CCDC88A: variants seen among roughly 807,000 people sequenced by gnomAD.
The protein encoded by CCDC88A is girdin.
CCDC88A carries 54 observed loss-of-function variants against 234.3 expected under a neutral mutation model. The ratio of observed to expected loss-of-function variants is 0.23; its 90% confidence interval spans 0.19 to 0.29. The LOEUF is 0.29. Among genes scored for constraint, CCDC88A ranks in the 10% least tolerant of loss-of-function variants. The pLI, the probability that CCDC88A is intolerant of heterozygous loss-of-function variation, is 1.00. For synonymous variants in CCDC88A, 753 were observed against 737.8 expected (o/e 1.02, Z -0.33); for missense variants, 1,832 against 2,123.4 (o/e 0.86, Z 2.70).
chr2:55,412,706 A>G (rs928457703), intron 2 of CCDC88A, among the ~76,000 whole-genome samples: 41 of 152,316 alleles, frequency 2.7e-4, no homozygotes, highest in African/African-American at 9.1e-4. Flanking sequence ...GGTCTTGAAG[A>G]AAATAATTCT....
Position 55,368,635 on chromosome 2 carries a change from C to T in CCDC88A, c.402+3817G>A, listed in dbSNP as rs572033679. Among the ~76,000 whole-genome samples the T allele has an allele frequency of 1.9e-4, 29 of 152,126 alleles. No homozygotes were observed. The East Asian group carries it at 5.4e-3, about 28-fold the overall frequency. ...CACTGCACCCAGCCCTATTTCTTTT[C>T]ATGAATATAGTATCTCTTGAAACCT... is the stretch of plus-strand genomic sequence containing the variant. On this transcript the variant is annotated intron_variant, in intron 5 of 32. Coordinates refer to ENST00000436346, the MANE Select transcript of CCDC88A (RefSeq NM_001365480.1).
At chr2:55,339,087 T>G (rs1668150062) in intron 13 of CCDC88A, 1 of 159,070 alleles carries the variant, frequency 6.3e-6, no homozygotes, top group Non-Finnish European at 1.4e-5. Flanking sequence ...TCCTCCCGAG[T>G]AGCTGGGATC....
chr2:55,338,660 G>A (rs1301335579), intron 13 of CCDC88A, among the ~76,000 whole-genome samples: 1 of 152,182 alleles, frequency 6.6e-6, no homozygotes, highest in Non-Finnish European at 1.5e-5. Flanking sequence ...GACAGAAAAT[G>A]TTCAAGATGA....
intron 5 of CCDC88A, among the ~76,000 whole-genome samples, chr2:55,369,008 G>A (rs1048206872): frequency 2.6e-5 from 4 of 152,124 alleles, no homozygotes; most frequent in African/African-American, 9.7e-5. Flanking sequence ...ATTATTAGTA[G>A]TAGTGGCTCC....
chr2:55,342,203 TAAA>T (rs1006908942), intron 12 of CCDC88A, among the ~76,000 whole-genome samples: 2 of 152,218 alleles, frequency 1.3e-5, no homozygotes, highest in African/African-American at 2.4e-5. Flanking sequence ...AAAAGTGACT[TAAA>T]AAATTTTTAG....
chr2:55,372,940 T>C (rs1032947947), intron 4 of CCDC88A, among the ~76,000 whole-genome samples: 1 of 152,232 alleles, frequency 6.6e-6, no homozygotes, highest in Non-Finnish European at 1.5e-5. Context: ...ACAGATCTTA[T>C]GATTCATCTC....
At position 55,343,706 on chromosome 2, in the gene CCDC88A, T is replaced by A; in HGVS notation, c.1275A>T (p.Glu425Asp). The stretch of plus-strand genomic sequence containing the variant: ...CCAGTTCCCAGCCAAGATGTAATGA[T>A]TCATCCATACTTTGTTTCTGTGCCA... The part of the protein sequence containing the change: ...LEMAQKQSMD[E>D]SLHLGWELEQ... The change falls in exon 12 of 33, where the codon GAA (glutamate) becomes GAT (aspartate). Residue 425 changes from glutamate (E) to aspartate (D), a missense_variant. By Grantham distance (45) the Glu-to-Asp change is conservative. This residue lies in a region of CCDC88A where 1,282 missense variants were observed against 1,543.6 expected (regional missense o/e 0.83). Coordinates refer to ENST00000436346, the MANE Select transcript of CCDC88A (RefSeq NM_001365480.1). 1.2e-6 allele frequency: 2 copies of A among 1,612,226 alleles called. No homozygotes were observed. The highest frequency in any genetic ancestry group is 1.7e-6 in the Non-Finnish European group (2 of 1,178,840).
intron 31 of CCDC88A, chr2:55,294,312 A>G: frequency 2.0e-6 from 2 of 983,480 alleles, no homozygotes; most frequent in South Asian, 9.4e-5. Context: ...CAGATGATGA[A>G]AAGTGCAGAG....
intron 13 of CCDC88A, 29 bp from the exon 14 acceptor site, chr2:55,336,847 C>T (rs373110999): frequency 6.4e-5 from 86 of 1,353,914 alleles, no homozygotes; most frequent in Non-Finnish European, 8.0e-5. Flanking sequence ...CAAAACAATA[C>T]GTTAAATATT....
At chr2:55,413,536 A>T (rs552876375) in intron 2 of CCDC88A, among the ~76,000 whole-genome samples, 1 of 152,342 alleles carries the variant, frequency 6.6e-6, no homozygotes, top group Admixed American at 6.5e-5. Flanking sequence ...AATTCATTCC[A>T]CTTTACTACA....
At chr2:55,418,990 A>C (rs1324286624) in intron 1 of CCDC88A, 27 bp downstream of exon 1, 12 of 1,604,928 alleles carry the variant, frequency 7.5e-6, no homozygotes, top group Non-Finnish European at 1.0e-5. Flanking sequence ...ACTCAGCAAA[A>C]TATACAATAA....
rs1012638438 is a variant in CCDC88A, at chr2:55,419,147, G to C, written c.-68C>G. 5 of 908,608 alleles carry C rather than the reference G, an allele frequency of 5.5e-6. No homozygotes were observed. The highest frequency in any genetic ancestry group is 2.0e-5 in the Admixed American group (1 of 49,442). 56.3% of individuals were successfully genotyped at this position (908,608 alleles called of 1,614,324 possible). ...ACGCCTAGGGAATTGGTCACTAAAC[G>C]TGGAAGTAAGTAGAAATCAATGAAA... On this transcript the variant is annotated 5_prime_UTR_variant, in exon 1 of 33. Coordinates refer to ENST00000436346, the MANE Select transcript of CCDC88A (RefSeq NM_001365480.1).
At chr2:55,311,148 C>G (rs1682301874) in intron 23 of CCDC88A, among the ~76,000 whole-genome samples, 1 of 152,126 alleles carries the variant, frequency 6.6e-6, no homozygotes, top group Non-Finnish European at 1.5e-5. Flanking sequence ...ACTCAAATGC[C>G]AAAAGTTTTA....
intron 3 of CCDC88A, among the ~76,000 whole-genome samples, chr2:55,379,459 G>C (rs1374340360): frequency 6.6e-6 from 1 of 151,952 alleles, no homozygotes; most frequent in East Asian, 1.9e-4. Flanking sequence ...AATCAGGGCA[G>C]TCATTTATTC....
At chr2:55,416,017 C>T (rs1307486449) in intron 2 of CCDC88A, among the ~76,000 whole-genome samples, 10 of 151,504 alleles carry the variant, frequency 6.6e-5, no homozygotes, top group African/African-American at 2.4e-4. Flanking sequence ...ACCAGGCATG[C>T]AAAAGCAACA....
intron 2 of CCDC88A, among the ~76,000 whole-genome samples, chr2:55,402,334 T>C (rs552719777): frequency 1.3e-5 from 2 of 152,350 alleles, no homozygotes; most frequent in African/African-American, 4.8e-5. Flanking sequence ...TTCTTAAACC[T>C]GCTTCTGCAT....
intron 9 of CCDC88A, 145 bp downstream of exon 9, chr2:55,349,371 ACT>A: frequency 1.6e-6 from 1 of 608,006 alleles, no homozygotes; most frequent in South Asian, 2.3e-5. Flanking sequence ...GAAGAGAGAG[ACT>A]CTGAAAAAGT....
rs188706853 is a variant in CCDC88A at position 55,334,603 on chromosome 2, C to G, written c.2218G>C (p.Gly740Arg). 6 of 1,613,348 alleles carry G rather than the reference C, an allele frequency of 3.7e-6. No homozygotes were observed. Among genetic ancestry groups the G allele is most frequent in the Non-Finnish European group, 4.2e-6 (5 of 1,179,818 alleles). ...LESEKEQLKKGLELLKASFKK... is the reference protein window; with the variant it reads ...LESEKEQLKKRLELLKASFKK... ...AAAGATGCTTTCAGGAGCTCCAAAC[C>G]CTTCTTAAGTTGCTCTTTTTCACTT... The change falls in exon 15 of 33, where the codon GGT becomes CGT. Residue 740 changes from glycine to arginine, a missense_variant. Gly to Arg is a moderately radical substitution (Grantham distance 125). Transcript: ENST00000436346. The surrounding 1 kb of genome is among the most constrained non-coding windows in gnomAD (Gnocchi z 6.1).
chr2:55,357,592 CA>C (rs1670761445), intron 7 of CCDC88A, among the ~76,000 whole-genome samples: 1 of 152,224 alleles, frequency 6.6e-6, no homozygotes, highest in Admixed American at 6.5e-5. Context: ...TCTTACATAG[CA>C]ATTTCAGCTG....
Sources: allele counts gnomAD v4.1 joint callset (sites outside exome capture counted in the v4.1 genomes callset), GRCh38; gene constraint gnomAD v4.1.1; regional missense constraint gnomAD v4.1.1; non-coding constraint Gnocchi (gnomAD v3.1); transcripts MANE v1.5; gene names NCBI Gene and HGNC (gene_info 2026-07-23, HGNC 2026-07-21).